The following SYT1 variants were observed in gnomAD, a reference collection of about 807,000 sequenced individuals.
The protein encoded by SYT1 is synaptotagmin 1, also known as synaptotagmin-1.
A neutral mutation model predicts 44.8 loss-of-function variants in SYT1; 8 were observed. The ratio of observed to expected loss-of-function variants is 0.18; its 90% CI spans 0.10 to 0.32. SYT1 has a LOEUF of 0.32. SYT1 is among the 10% of genes least tolerant of loss of function. The pLI, the probability that SYT1 is intolerant of heterozygous loss-of-function variation, is 1.00. For synonymous variants in SYT1, 154 were observed against 188.8 expected (o/e 0.82, Z 1.51); for missense variants, 286 against 509.3 (o/e 0.56, Z 4.22).
intron 9 of SYT1, among the ~76,000 whole-genome samples, chr12:79,425,737 C>A (rs1869405778): frequency 6.6e-6 from 1 of 152,104 alleles, no homozygotes; most frequent in Non-Finnish European, 1.5e-5. Context: ...AAGAGTCTAG[C>A]ACAATATATT....
At chr12:79,061,430 A>G (rs1291418126) in intron 3 of SYT1, among the ~76,000 whole-genome samples, 1 of 152,104 alleles carries the variant, frequency 6.6e-6, no homozygotes, top group Non-Finnish European at 1.5e-5. Context: ...AGAAAGGTTA[A>G]GTGACTTTCT....
At chr12:79,274,215 G>T (rs1878588610) in intron 4 of SYT1, among the ~76,000 whole-genome samples, 1 of 152,250 alleles carries the variant, frequency 6.6e-6, no homozygotes, top group South Asian at 2.1e-4. Flanking sequence ...GCGGGAGCTG[G>T]ACACCTCTGC....
At chr12:79,050,481 T>G (rs540545823) in intron 3 of SYT1, among the ~76,000 whole-genome samples, 1 of 152,078 alleles carries the variant, frequency 6.6e-6, no homozygotes. Flanking sequence ...AAGAACTTCA[T>G]AGTCTCCTCC....
At chr12:79,158,056 G>A (rs1870709876) in intron 3 of SYT1, among the ~76,000 whole-genome samples, 2 of 152,046 alleles carry the variant, frequency 1.3e-5, no homozygotes, top group Admixed American at 1.3e-4. Context: ...GGAATGAACG[G>A]GGTGGTTTCG....
intron 3 of SYT1, among the ~76,000 whole-genome samples, chr12:79,198,256 G>C: frequency 6.6e-6 from 1 of 152,116 alleles, no homozygotes; most frequent in South Asian, 2.1e-4. Flanking sequence ...ATAAGTAAAT[G>C]AGGACCAGGG....
chr12:79,382,990 G>A (rs973440052), intron 9 of SYT1, among the ~76,000 whole-genome samples: 2 of 152,176 alleles, frequency 1.3e-5, no homozygotes, highest in Non-Finnish European at 2.9e-5. Context: ...AATGCTCGAA[G>A]GAAGTTTATC....
intron 8 of SYT1, among the ~76,000 whole-genome samples, chr12:79,352,961 T>A (rs1051345535): frequency 6.6e-6 from 1 of 152,212 alleles, no homozygotes; most frequent in Non-Finnish European, 1.5e-5. Flanking sequence ...CCTTATACTT[T>A]GTTACATTTC....
chr12:79,246,820 G>T (rs2138675295), intron 4 of SYT1, among the ~76,000 whole-genome samples: 1 of 152,280 alleles, frequency 6.6e-6, no homozygotes, highest in South Asian at 2.1e-4. Flanking sequence ...ATTCTATCTG[G>T]AATCATAGTC....
At chr12:78,902,369 T>C (rs1875714658) in intron 1 of SYT1, among the ~76,000 whole-genome samples, 1 of 151,636 alleles carries the variant, frequency 6.6e-6, no homozygotes, top group African/African-American at 2.4e-5. Context: ...ACATATAGAG[T>C]AGTAAAAACA....
intron 9 of SYT1, among the ~76,000 whole-genome samples, chr12:79,414,544 G>A (rs1018196414): frequency 6.6e-6 from 1 of 152,146 alleles, no homozygotes; most frequent in Non-Finnish European, 1.5e-5. Context: ...GCACAAAGAA[G>A]TCCTATACCT....
chr12:79,115,349 A>C (rs1380072674), intron 3 of SYT1, among the ~76,000 whole-genome samples: 4 of 152,144 alleles, frequency 2.6e-5, no homozygotes, highest in African/African-American at 7.2e-5. Flanking sequence ...AGTGAGAAAT[A>C]TTTTTCCTAT....
intron 3 of SYT1, among the ~76,000 whole-genome samples, chr12:79,072,538 A>G (rs961246853): frequency 1.3e-5 from 2 of 152,132 alleles, no homozygotes; most frequent in Non-Finnish European, 2.9e-5. Context: ...TGAGTTTTTT[A>G]TAGTGTCTAA....
chr12:79,124,849 AAAGTC>A (rs1171936438), intron 3 of SYT1, among the ~76,000 whole-genome samples: 1 of 152,182 alleles, frequency 6.6e-6, no homozygotes, highest in African/African-American at 2.4e-5. Flanking sequence ...AAAGGTTTAA[AAAGTC>A]AAGTATGGAC....
chr12:79,304,664 C>G (rs186338096), intron 8 of SYT1, among the ~76,000 whole-genome samples: 217 of 152,182 alleles, frequency 1.4e-3, no homozygotes, highest in South Asian at 2.5e-3. Context: ...GTGTAAGTCT[C>G]TGCCTACATC....
intron 3 of SYT1, among the ~76,000 whole-genome samples, chr12:79,108,690 A>G (rs1878849715): frequency 6.6e-6 from 1 of 152,214 alleles, no homozygotes; most frequent in Non-Finnish European, 1.5e-5. Context: ...TAAGGAAAAT[A>G]AAAAGTATTT....
intron 2 of SYT1, among the ~76,000 whole-genome samples, chr12:79,001,266 A>G (rs1447305861): frequency 6.6e-6 from 1 of 152,030 alleles, no homozygotes; most frequent in African/African-American, 2.4e-5. Flanking sequence ...CTTTTAAAAA[A>G]AAAAAAGCCC....
chr12:79,161,931 T>C (rs940368984), intron 3 of SYT1, among the ~76,000 whole-genome samples: 1 of 152,140 alleles, frequency 6.6e-6, no homozygotes, highest in African/African-American at 2.4e-5. Context: ...ATATCTGGAA[T>C]TGTATGCTTC....
chr12:79,092,260 T>C (rs1441189599), intron 3 of SYT1, among the ~76,000 whole-genome samples: 3 of 151,886 alleles, frequency 2.0e-5, no homozygotes, highest in Non-Finnish European at 4.4e-5. Flanking sequence ...AGCAATCTGG[T>C]CATATCTCAG....
chr12:78,959,254 G>A (rs1028628922), intron 1 of SYT1, among the ~76,000 whole-genome samples: 2 of 152,064 alleles, frequency 1.3e-5, no homozygotes, highest in Non-Finnish European at 2.9e-5. Flanking sequence ...GCTGTATTGA[G>A]GGAAACTCGG....
Sources: gnomAD v4.1 joint callset for allele counts (sites outside exome capture counted in the v4.1 genomes callset) on GRCh38, gnomAD v4.1.1 for gene constraint, MANE v1.5 for transcripts, NCBI Gene and HGNC (gene_info 2026-07-23, HGNC 2026-07-21) for gene names.